The following MAMLD1 variants were observed in gnomAD, a reference collection of about 807,000 sequenced individuals.
MAMLD1 encodes mastermind-like domain-containing protein 1.
MAMLD1 carries 14 observed loss-of-function variants against 45.0 expected under a neutral mutation model. The observed-to-expected ratio is 0.31, with a 90% confidence interval of 0.21 to 0.49. The LOEUF is 0.49. MAMLD1 is among the 20% of genes least tolerant of loss of function. MAMLD1 has a pLI of 0.99. For synonymous variants in MAMLD1, 254 were observed against 247.8 expected, an observed-to-expected ratio of 1.02 and a Z score of -0.24; for missense variants, 543 against 603.6, an observed-to-expected ratio of 0.90 and a Z score of 1.05.
chrX:150,494,118 G>A (rs1036130460), intron 5 of MAMLD1, among the ~76,000 whole-genome samples: 2 of 112,097 alleles, frequency 1.8e-5, no homozygotes, highest in Non-Finnish European at 3.8e-5. Flanking sequence ...AAAATGGGCC[G>A]GGCACGGTGG....
chrX:150,404,151 T>C (rs1460966110), intron 1 of MAMLD1, among the ~76,000 whole-genome samples: 2 of 110,250 alleles, frequency 1.8e-5, no homozygotes, highest in Admixed American at 9.6e-5. Context: ...GCAAAACATT[T>C]CACAGGACAT....
chrX:150,500,350 G>A (rs2037515059), intron 5 of MAMLD1, among the ~76,000 whole-genome samples: 1 of 111,457 alleles, frequency 9.0e-6, no homozygotes, highest in South Asian at 3.8e-4. Flanking sequence ...GTATGACTGG[G>A]GGTACGTGAC....
At position 150,489,349 on chromosome X, in the gene MAMLD1, G is replaced by A. The variant is rs1307973564; in HGVS notation, c.2041-13925G>A. 6.3e-5 allele frequency among the ~76,000 whole-genome samples: 7 copies of A among 110,474 alleles called. 1 individual carries two copies. In the Middle Eastern group the frequency reaches 0.014, roughly 218 times the overall value. ...GCTCTCTTCCTGATTAGTAGATGGTGCCTTCTTGCTGCATTCTCATGTGAT... is the reference window on the plus strand; with the variant it reads ...GCTCTCTTCCTGATTAGTAGATGGTACCTTCTTGCTGCATTCTCATGTGAT... On this transcript the variant is annotated intron_variant, in intron 5 of 7. Coordinates refer to ENST00000370401, the MANE Select transcript of MAMLD1 (RefSeq NM_005491.5).
intron 7 of MAMLD1, among the ~76,000 whole-genome samples, chrX:150,510,871 C>T (rs1245055687): frequency 1.8e-5 from 2 of 111,961 alleles, no homozygotes; most frequent in African/African-American, 3.3e-5. Flanking sequence ...CTGATAACAG[C>T]GGAGTCTGTG....
intron 1 of MAMLD1, among the ~76,000 whole-genome samples, chrX:150,437,303 T>A (rs1431983182): frequency 8.9e-6 from 1 of 111,958 alleles, no homozygotes; most frequent in Non-Finnish European, 1.9e-5. Flanking sequence ...ATGTTCACAG[T>A]GTCAGCGATG....
chrX:150,381,889 A>T (rs2032626273), intron 1 of MAMLD1, among the ~76,000 whole-genome samples: 1 of 109,731 alleles, frequency 9.1e-6, no homozygotes, highest in African/African-American at 3.3e-5. Context: ...CTTTTTTTTC[A>T]CTGTTGAGTT....
intron 1 of MAMLD1, among the ~76,000 whole-genome samples, chrX:150,407,140 A>G (rs1317426190): frequency 6.2e-5 from 7 of 112,198 alleles, no homozygotes; most frequent in African/African-American, 2.3e-4. Context: ...ATAATAATAA[A>G]TAAATGTTTT....
At chrX:150,412,402 T>TCAGCTC (rs1416509803) in intron 1 of MAMLD1, among the ~76,000 whole-genome samples, 7 of 110,648 alleles carry the variant, frequency 6.3e-5, no homozygotes, top group Non-Finnish European at 1.1e-4. Flanking sequence ...ATCTACCTCT[T>TCAGCTC]CAGCTCCATC....
At chrX:150,375,984 G>T in intron 1 of MAMLD1, among the ~76,000 whole-genome samples, 1 of 111,839 alleles carries the variant, frequency 8.9e-6, no homozygotes, top group Non-Finnish European at 1.9e-5. Context: ...TGGTGCTACA[G>T]TGGGAAGAAT....
chrX:150,379,728 C>T (rs1467400731), intron 1 of MAMLD1, among the ~76,000 whole-genome samples: 10 of 111,960 alleles, frequency 8.9e-5, no homozygotes, highest in African/African-American at 3.3e-4. Flanking sequence ...TCCTTTTGCA[C>T]AAATGAACAG....
At chrX:150,362,255 G>T (rs782029888), upstream of MAMLD1, among the ~76,000 whole-genome samples, 1 of 111,285 alleles carries the variant, frequency 9.0e-6, no homozygotes, top group East Asian at 2.9e-4. Flanking sequence ...GAGGAGAAGG[G>T]CCTGGCCGCT....
intron 1 of MAMLD1, among the ~76,000 whole-genome samples, chrX:150,373,207 C>G (rs151008910): frequency 4.5e-4 from 50 of 111,572 alleles, no homozygotes; most frequent in African/African-American, 1.5e-3. Flanking sequence ...AGTAACAGCC[C>G]TTTGGCAGTC....
intron 1 of MAMLD1, among the ~76,000 whole-genome samples, chrX:150,434,074 A>G (rs925897198): frequency 9.0e-6 from 1 of 111,379 alleles, no homozygotes; most frequent in South Asian, 3.7e-4. Context: ...TACTGATTGT[A>G]TTTCAGAACT....
chrX:150,441,929 A>G (rs1452922558), intron 1 of MAMLD1, among the ~76,000 whole-genome samples: 1 of 111,379 alleles, frequency 9.0e-6, no homozygotes, highest in Non-Finnish European at 1.9e-5. Context: ...TTCAGTTCTA[A>G]AAACGTTTGC....
chrX:150,470,330 A>G lies in MAMLD1; in HGVS notation c.757A>G (p.Ile253Val). The G allele has an allele frequency of 8.3e-7, 1 of 1,208,123 alleles. No individual in the cohort carries two copies. The highest frequency in any genetic ancestry group is 2.2e-5 in the Admixed American group (1 of 45,951). Residue 253 changes from isoleucine to valine, a missense_variant, in exon 4 of 8, where the codon ATC (isoleucine) becomes GTC (valine). Coordinates refer to ENST00000370401, the MANE Select transcript of MAMLD1 (RefSeq NM_005491.5). Reference protein sequence around the residue: ...CSQVTGMSLQIPSSSTGISYS... With the variant: ...CSQVTGMSLQVPSSSTGISYS... The stretch of plus-strand genomic sequence containing the variant: ...CCAAGTTACTGGCATGTCACTTCAG[A>G]TCCCATCCTCCTCCACAGGGATCAG...
intron 1 of MAMLD1, among the ~76,000 whole-genome samples, chrX:150,440,864 ATAAT>A (rs1291868522): frequency 2.9e-5 from 3 of 104,490 alleles, no homozygotes; most frequent in Non-Finnish European, 5.8e-5. Context: ...TATTTATTTA[ATAAT>A]TAATAATATT....
At chrX:150,478,762 C>T (rs1192344920) in intron 5 of MAMLD1, among the ~76,000 whole-genome samples, 1 of 112,374 alleles carries the variant, frequency 8.9e-6, no homozygotes, top group African/African-American at 3.2e-5. Flanking sequence ...GAAATGTTTT[C>T]CTGAATGAGC....
rs1557402586 is a variant in MAMLD1 at position 150,403,973 on chromosome X, A to AAAGAAAGAAAGAAAGAAAGG, written c.-64+40462_-64+40463insGAAGAAAGAAAGAAAGAAAG. Among the ~76,000 whole-genome samples, 172 of 92,365 alleles carry AAAGAAAGAAAGAAAGAAAGG rather than the reference A, an allele frequency of 1.9e-3. 3 individuals carry two copies. The highest frequency in any genetic ancestry group is 7.6e-3 in the African/African-American group (168 of 22,081). The allele number at this position is 92,365 out of a possible 115,157, so 80.2% of individuals were successfully genotyped here. On this transcript the variant is annotated intron_variant, in intron 1 of 7. Coordinates refer to ENST00000370401, the MANE Select transcript of MAMLD1 (RefSeq NM_005491.5). ...GAAAGAAAGAAAGAAAGAAAGAAAG[A>AAAGAAAGAAAGAAAGAAAGG]AAGAAAGAAAGAAAGAAAGAAAGAA...
chrX:150,492,038 A>G (rs1414864156), intron 5 of MAMLD1, among the ~76,000 whole-genome samples: 2 of 112,904 alleles, frequency 1.8e-5, no homozygotes, highest in African/African-American at 3.2e-5. Flanking sequence ...CAGTGGGGGT[A>G]AACATGCCTG....
Sources: allele counts gnomAD v4.1 joint callset (sites outside exome capture counted in the v4.1 genomes callset), GRCh38; gene constraint gnomAD v4.1.1; transcripts MANE v1.5; gene names NCBI Gene and HGNC (gene_info 2026-07-23, HGNC 2026-07-21).